PCOLCE2: variants seen among roughly 807,000 people sequenced by gnomAD.
PCOLCE2 encodes the protein procollagen C-proteinase enhancer 2.
In PCOLCE2, 42 loss-of-function variants were observed where a neutral mutation model predicts 47.0. The observed-to-expected ratio is 0.89, with a 90% CI of 0.70 to 1.16. PCOLCE2 has a LOEUF of 1.16. Ranked by LOEUF, PCOLCE2 falls within the 50% of genes most tolerant of loss-of-function variation. The probability of loss-of-function intolerance (pLI) is 0.00; values close to 1 mark genes in which losing one functional copy is unlikely to be tolerated. For synonymous variants in PCOLCE2, 169 were observed against 191.7 expected, an observed-to-expected ratio of 0.88 and a Z score of 0.98; for missense variants, 500 against 526.1, an observed-to-expected ratio of 0.95 and a Z score of 0.49.
chr3:142,878,281 T>A (rs1422270846), intron 2 of PCOLCE2, among the ~76,000 whole-genome samples: 1 of 152,134 alleles, frequency 6.6e-6, no homozygotes, highest in African/African-American at 2.4e-5. Flanking sequence ...GGGTGTTCCA[T>A]TTATTTCGGG....
intron 2 of PCOLCE2, among the ~76,000 whole-genome samples, chr3:142,853,896 G>A (rs759646142): frequency 2.6e-5 from 4 of 152,158 alleles, no homozygotes; most frequent in Non-Finnish European, 4.4e-5. Flanking sequence ...GCAAAGTCCC[G>A]TGTGGGCCAA....
Position 142,887,786 on chromosome 3 carries a change from A to T in PCOLCE2, c.84-9T>A, listed in dbSNP as rs1227175705. Reference sequence around the variant, plus strand: ...CACATGTGAAAACAGGTCTGGGAACATAAAAGAAGAAAAGATAATGTAATT... The same window carrying T: ...CACATGTGAAAACAGGTCTGGGAACTTAAAAGAAGAAAAGATAATGTAATT... On this transcript the variant is annotated splice_polypyrimidine_tract_variant and intron_variant, in intron 1 of 8. Coordinates refer to ENST00000295992, the MANE Select transcript of PCOLCE2 (RefSeq NM_013363.4). 1.4e-6 allele frequency: 2 copies of T among 1,429,866 alleles called. No homozygotes were observed. The highest frequency in any genetic ancestry group is 2.3e-5 in the East Asian group (1 of 44,030). 88.6% of individuals were successfully genotyped at this position (1,429,866 alleles called of 1,614,324 possible).
At position 142,884,458 on chromosome 3, in the gene PCOLCE2, C is replaced by G. The variant is rs143041705; in HGVS notation, c.192+3211G>C. Among the ~76,000 whole-genome samples the G allele has an allele frequency of 4.3e-4, 65 of 152,294 alleles. No homozygotes were observed. In the East Asian group the frequency reaches 0.012, roughly 28 times the overall value. Reference sequence around the variant, plus strand: ...AGAATTAGGGGATTTTATGCAGATGCCTTTTAGGTTATAGTCCCCAGAATC... The same window carrying G: ...AGAATTAGGGGATTTTATGCAGATGGCTTTTAGGTTATAGTCCCCAGAATC... On this transcript the variant is annotated intron_variant, in intron 2 of 8. Coordinates refer to ENST00000295992, the MANE Select transcript of PCOLCE2 (RefSeq NM_013363.4).
At chr3:142,833,775 A>G (rs1046642390) in intron 5 of PCOLCE2, among the ~76,000 whole-genome samples, 1 of 151,132 alleles carries the variant, frequency 6.6e-6, no homozygotes, top group Non-Finnish European at 1.5e-5. Flanking sequence ...TTTTTTTCCT[A>G]CTGGGTGGTT....
rs147424023 is a variant in PCOLCE2, at chr3:142,820,989, C to T, written c.1006G>A (p.Val336Ile). The T allele has an allele frequency of 9.3e-6, 15 of 1,613,952 alleles. No homozygotes were observed. In the African/African-American group the frequency reaches 1.2e-4, roughly 13 times the overall value. Residue 336 changes from valine to isoleucine, a missense_variant, in exon 8 of 9, where the codon GTC becomes ATC. Physicochemically the swap from Val to Ile is conservative, Grantham distance 29 (BLOSUM62 3). Transcript: ENST00000295992. Reference protein sequence around the residue: ...ITRDGSLHATVSIINIYKEGN... With the variant: ...ITRDGSLHATISIINIYKEGN... Reference sequence around the variant, plus strand: ...TCTTTGTAGATGTTGATGATCGAGACTGTGGCGTGCAAACTCCCATCGCGA... The same window carrying T: ...TCTTTGTAGATGTTGATGATCGAGATTGTGGCGTGCAAACTCCCATCGCGA...
chr3:142,861,618 T>C (rs559976185), intron 2 of PCOLCE2, among the ~76,000 whole-genome samples: 1 of 152,172 alleles, frequency 6.6e-6, no homozygotes, highest in South Asian at 2.1e-4. Context: ...CTGAGGACGA[T>C]AATGATTATT....
intron 2 of PCOLCE2, among the ~76,000 whole-genome samples, chr3:142,883,808 G>A (rs1340322616): frequency 1.3e-5 from 2 of 152,088 alleles, no homozygotes; most frequent in Non-Finnish European, 1.5e-5. Flanking sequence ...AAGGAACAGA[G>A]GTATTGATGA....
chr3:142,861,651 T>G (rs1933184636), intron 2 of PCOLCE2, among the ~76,000 whole-genome samples: 1 of 106,732 alleles, frequency 9.4e-6, no homozygotes, highest in Non-Finnish European at 2.5e-5. Flanking sequence ...TCTTCTGCTC[T>G]GCACTGTTTC....
intron 6 of PCOLCE2, among the ~76,000 whole-genome samples, chr3:142,826,436 C>T (rs953387699): frequency 1.3e-5 from 2 of 152,200 alleles, no homozygotes; most frequent in Admixed American, 1.3e-4. Flanking sequence ...CACCCCCCTC[C>T]GACCTGAAGT....
chr3:142,882,589 A>ATTATTATTATTTTTTTTTTTTTTTTTTT (rs1188049251), intron 2 of PCOLCE2, among the ~76,000 whole-genome samples: 1 of 151,642 alleles, frequency 6.6e-6, no homozygotes, highest in African/African-American at 2.4e-5. Flanking sequence ...TTATTATTAT[A>ATTATTATTATTTTTTTTTTTTTTTTTTT]CTTTAGAGAA....
intron 2 of PCOLCE2, among the ~76,000 whole-genome samples, chr3:142,849,950 T>A (rs142557785): frequency 5.1e-4 from 78 of 152,346 alleles, no homozygotes; most frequent in African/African-American, 1.9e-3. Flanking sequence ...GTCAAACACA[T>A]CTACACTTCA....
At chr3:142,864,427 A>T (rs1374904700) in intron 2 of PCOLCE2, 1 of 152,198 alleles carries the variant, frequency 6.6e-6, no homozygotes, top group African/African-American at 2.4e-5. Flanking sequence ...TAGTTCCTTG[A>T]TATTTCAGAC....
In PCOLCE2 at chr3:142,826,307, G is replaced by A. The variant is rs562661096; in HGVS notation, c.866-2692C>T. Among the ~76,000 whole-genome samples the A allele has an allele frequency of 1.9e-4, 29 of 152,064 alleles. No homozygotes were observed. In the East Asian group the frequency reaches 5.6e-3, roughly 29 times the overall value. ...CAGGTGTAAGCCACCGCACCTAGCCGACCCTGCCTATTTTCTAGGAAGAAG... is the reference window on the plus strand; with the variant it reads ...CAGGTGTAAGCCACCGCACCTAGCCAACCCTGCCTATTTTCTAGGAAGAAG... On this transcript the variant is annotated intron_variant, in intron 6 of 8. Coordinates refer to ENST00000295992, the MANE Select transcript of PCOLCE2 (RefSeq NM_013363.4).
At chr3:142,819,583 A>C (rs145294264) in intron 8 of PCOLCE2, among the ~76,000 whole-genome samples, 1 of 152,234 alleles carries the variant, frequency 6.6e-6, no homozygotes, top group Non-Finnish European at 1.5e-5. Context: ...GAGACTCAAC[A>C]TGAGGCTACT....
chr3:142,827,494 C>T, intron 6 of PCOLCE2: 4 of 1,503,080 alleles, frequency 2.7e-6, no homozygotes, highest in Non-Finnish European at 3.7e-6. Context: ...CCCAGGACAG[C>T]TTGCTACGGC....
At chr3:142,826,837 C>A (rs142190426) in intron 6 of PCOLCE2, among the ~76,000 whole-genome samples, 165 of 152,272 alleles carry the variant, frequency 1.1e-3, no homozygotes, top group Middle Eastern at 6.8e-3. Context: ...TTGTAACATT[C>A]CCTTCCACGG....
At chr3:142,854,181 T>C (rs1933014179) in intron 2 of PCOLCE2, among the ~76,000 whole-genome samples, 1 of 147,790 alleles carries the variant, frequency 6.8e-6, no homozygotes, top group Non-Finnish European at 1.5e-5. Context: ...TTTACTACTT[T>C]GATCAAAAAG....
chr3:142,861,217 A>G (rs1933176587), intron 2 of PCOLCE2, among the ~76,000 whole-genome samples: 2 of 152,192 alleles, frequency 1.3e-5, no homozygotes, highest in African/African-American at 4.8e-5. Context: ...TTCCCCTTCT[A>G]TGTGACTGTC....
intron 6 of PCOLCE2, among the ~76,000 whole-genome samples, chr3:142,825,144 T>C (rs1051786437): frequency 1.3e-5 from 2 of 152,182 alleles, no homozygotes; most frequent in African/African-American, 4.8e-5. Flanking sequence ...TGTAAATTTA[T>C]GGAATTAAAT....
Sources: allele counts gnomAD v4.1 joint callset (sites outside exome capture counted in the v4.1 genomes callset), GRCh38; gene constraint gnomAD v4.1.1; transcripts MANE v1.5; gene names NCBI Gene and HGNC (gene_info 2026-07-23, HGNC 2026-07-21).